FER: variants seen among roughly 807,000 people sequenced by gnomAD.
FER encodes FER tyrosine kinase.
FER carries 63 observed loss-of-function variants against 111.0 expected under a neutral mutation model. That is an observed-to-expected ratio of 0.57 (90% CI 0.46 to 0.70). The LOEUF is 0.70. Among genes scored for constraint, FER ranks in the 30% least tolerant of loss-of-function variants. FER has a pLI of 0.00. For synonymous variants in FER, 327 were observed against 313.9 expected (o/e 1.04, Z -0.44); for missense variants, 914 against 954.0 (o/e 0.96, Z 0.55).
intron 13 of FER, among the ~76,000 whole-genome samples, chr5:109,007,879 G>A (rs1339109007): frequency 1.3e-5 from 2 of 152,116 alleles, no homozygotes; most frequent in East Asian, 3.8e-4. Flanking sequence ...CCTACCAACT[G>A]CGTGAGAATT....
rs142734208 is a variant in FER, at chr5:108,844,141, T to TATGTGTGTGAACAC, written c.481+8343_481+8344insAACACATGTGTGTG. 9.9e-3 allele frequency among the ~76,000 whole-genome samples: 1,026 copies of TATGTGTGTGAACAC among 104,030 alleles called. 18 individuals are homozygous for TATGTGTGTGAACAC. The highest frequency in any genetic ancestry group is 0.014 in the Non-Finnish European group (660 of 46,466). The allele number at this position is 104,030 out of a possible 152,430, so 68.2% of individuals were successfully genotyped here. ...GAACACATATATGTGTGTGAACATA[T>TATGTGTGTGAACAC]ATGTGTGTGTGAACATATATATGTG... On this transcript the variant is annotated intron_variant, in intron 5 of 19. Transcript: ENST00000281092.
intron 14 of FER, among the ~76,000 whole-genome samples, chr5:109,037,837 G>A (rs1770612288): frequency 6.6e-6 from 1 of 151,828 alleles, no homozygotes; most frequent in Non-Finnish European, 1.5e-5. Flanking sequence ...TAATAGTCTT[G>A]TTCTTTTTGT....
In FER at chr5:108,944,807, AAT is replaced by A. The variant is rs567338432; in HGVS notation, c.1237-1320_1237-1319del. 5.2e-4 allele frequency among the ~76,000 whole-genome samples: 65 copies of A among 123,888 alleles called. 1 individual carries two copies. Among genetic ancestry groups the A allele is most frequent in the African/African-American group, 1.8e-3 (60 of 33,314 alleles). The allele number at this position is 123,888 out of a possible 152,430, so 81.3% of individuals were successfully genotyped here. ...TTAAGGTCTCATTATTATTTTTGAT[AAT>A]ATGTTTTTAGGCCAACCTATCTATA... is the stretch of plus-strand genomic sequence containing the variant. On this transcript the variant is annotated intron_variant, in intron 10 of 19. Transcript: ENST00000281092.
intron 5 of FER, among the ~76,000 whole-genome samples, chr5:108,849,587 C>G (rs1279252150): frequency 1.3e-5 from 2 of 152,104 alleles, no homozygotes; most frequent in Non-Finnish European, 2.9e-5. Context: ...ACTTTTTGAA[C>G]ATACTGAATA....
intron 10 of FER, among the ~76,000 whole-genome samples, chr5:108,910,107 C>T (rs536111078): frequency 1.9e-4 from 29 of 151,754 alleles, no homozygotes; most frequent in African/African-American, 6.0e-4. Context: ...AAAAGTAATG[C>T]ACCAATTAAA....
At chr5:109,013,669 T>C (rs1412504909) in intron 13 of FER, among the ~76,000 whole-genome samples, 15 of 152,016 alleles carry the variant, frequency 9.9e-5, no homozygotes, top group East Asian at 9.7e-4. Context: ...ACTTCCACAA[T>C]GGTTGAACTA....
At chr5:108,850,236 GT>G (rs1045127885) in intron 5 of FER, among the ~76,000 whole-genome samples, 46 of 149,248 alleles carry the variant, frequency 3.1e-4, no homozygotes, top group Non-Finnish European at 5.7e-4. Flanking sequence ...TTTTGAGCTT[GT>G]TTTTTTTTCC....
At chr5:108,961,273 T>A (rs1222689079) in intron 13 of FER, among the ~76,000 whole-genome samples, 1 of 152,170 alleles carries the variant, frequency 6.6e-6, no homozygotes, top group African/African-American at 2.4e-5. Flanking sequence ...ATGTTTGCAT[T>A]GTCTACAGGC....
chr5:108,837,292 G>C (rs1249426595), intron 5 of FER, among the ~76,000 whole-genome samples: 1 of 152,128 alleles, frequency 6.6e-6, no homozygotes, highest in Non-Finnish European at 1.5e-5. Context: ...ATATTTGCCA[G>C]GCATTCAAGG....
intron 16 of FER, among the ~76,000 whole-genome samples, chr5:109,060,717 T>G (rs1170732789): frequency 6.6e-6 from 1 of 151,646 alleles, no homozygotes; most frequent in African/African-American, 2.4e-5. Context: ...AAAATAAGAT[T>G]GTTATTAAAT....
intron 5 of FER, among the ~76,000 whole-genome samples, chr5:108,848,002 C>T (rs1050332466): frequency 6.6e-5 from 10 of 152,124 alleles, no homozygotes; most frequent in Non-Finnish European, 1.2e-4. Flanking sequence ...ATCCTCCTGT[C>T]TCAGCCAACT....
intron 5 of FER, among the ~76,000 whole-genome samples, chr5:108,845,488 T>C (rs530243709): frequency 2.6e-5 from 4 of 152,158 alleles, no homozygotes; most frequent in African/African-American, 9.6e-5. Flanking sequence ...GGCCTCTAGT[T>C]GGTTTTTTAA....
At chr5:108,771,360 C>T (rs1418687437) in intron 2 of FER, among the ~76,000 whole-genome samples, 1 of 152,096 alleles carries the variant, frequency 6.6e-6, no homozygotes, top group Non-Finnish European at 1.5e-5. Flanking sequence ...TTCCACTTTG[C>T]ATATGGTTAT....
At chr5:108,809,343 A>T (rs192310525) in intron 3 of FER, among the ~76,000 whole-genome samples, 30 of 152,264 alleles carry the variant, frequency 2.0e-4, no homozygotes, top group African/African-American at 7.2e-4. Context: ...GAAGACATGT[A>T]TTTAGGCTCT....
At chr5:108,774,186 G>C (rs1190699405) in intron 2 of FER, among the ~76,000 whole-genome samples, 1 of 152,036 alleles carries the variant, frequency 6.6e-6, no homozygotes, top group Non-Finnish European at 1.5e-5. Flanking sequence ...GTTTGCTGGG[G>C]ATGATGGCTT....
intron 16 of FER, among the ~76,000 whole-genome samples, chr5:109,069,481 A>G (rs951074527): frequency 6.6e-6 from 1 of 152,202 alleles, no homozygotes; most frequent in African/African-American, 2.4e-5. Flanking sequence ...TGAGACACAT[A>G]GGAAACCAGA....
At chr5:108,797,131 T>G (rs1374812310) in intron 2 of FER, among the ~76,000 whole-genome samples, 4 of 151,036 alleles carry the variant, frequency 2.6e-5, no homozygotes, top group East Asian at 2.0e-4. Flanking sequence ...GGCAGCGGGG[T>G]TTTTTTTGGC....
intron 13 of FER, among the ~76,000 whole-genome samples, chr5:109,025,936 T>G (rs1203297581): frequency 6.6e-6 from 1 of 152,186 alleles, no homozygotes; most frequent in African/African-American, 2.4e-5. Flanking sequence ...GTATCAGCAT[T>G]TTTTCACTTA....
intron 17 of FER, among the ~76,000 whole-genome samples, chr5:109,163,936 A>G (rs1756268953): frequency 1.3e-5 from 2 of 152,158 alleles, no homozygotes; most frequent in Non-Finnish European, 2.9e-5. Flanking sequence ...TTCTATAGCT[A>G]ATAGATTATG....
Sources: allele counts gnomAD v4.1 joint callset (sites outside exome capture counted in the v4.1 genomes callset), GRCh38; gene constraint gnomAD v4.1.1; transcripts MANE v1.5; gene names NCBI Gene and HGNC (gene_info 2026-07-23, HGNC 2026-07-21).